Variants in PSMA1 observed in about 807,000 individuals in gnomAD.
PSMA1 encodes proteasome 20S subunit alpha 1.
PSMA1 carries 3 observed loss-of-function variants against 38.4 expected under a neutral mutation model. The ratio of observed to expected loss-of-function variants is 0.08; its 90% CI spans 0.04 to 0.20. The LOEUF (loss-of-function observed/expected upper bound fraction) is 0.20. Among genes scored for constraint, PSMA1 ranks in the 10% least tolerant of loss-of-function variants. The pLI, the probability that PSMA1 is intolerant of heterozygous loss-of-function variation, is 1.00. For synonymous variants in PSMA1, 101 were observed against 107.1 expected (o/e 0.94, Z 0.35); for missense variants, 227 against 325.3 (o/e 0.70, Z 2.32).
chr11:14,602,283 G>A (rs1003723823), intron 2 of PSMA1, among the ~76,000 whole-genome samples: 1 of 152,168 alleles, frequency 6.6e-6, no homozygotes, highest in Non-Finnish European at 1.5e-5. Flanking sequence ...TGAAAAGGCT[G>A]AGCTATCACC....
At chr11:14,557,940 C>G (rs547676928) in intron 2 of PSMA1, among the ~76,000 whole-genome samples, 1 of 152,280 alleles carries the variant, frequency 6.6e-6, no homozygotes, top group African/African-American at 2.4e-5. Flanking sequence ...TTCCATGGTG[C>G]TATTTATCGT....
At chr11:14,620,074 G>A (rs1251896267) in intron 1 of PSMA1, among the ~76,000 whole-genome samples, 1 of 151,730 alleles carries the variant, frequency 6.6e-6, no homozygotes, top group African/African-American at 2.4e-5. Flanking sequence ...GTGCGTGTGT[G>A]TGTGTGTGTA....
In PSMA1 at chr11:14,514,244, A is replaced by G. The variant is rs1851391220; in HGVS notation, c.343+159T>C. 2.2e-6 allele frequency: 3 copies of G among 1,370,146 alleles called. No individual in the cohort carries two copies. The South Asian group carries it at 5.9e-5, about 27-fold the overall frequency. 84.9% of individuals were successfully genotyped at this position (1,370,146 alleles called of 1,614,324 possible). A position where few individuals can be genotyped will look rare whatever the true frequency, so the allele number is the denominator to read the frequency against. ...GGGCTTATTTGTGTCTAGCAAATAT[A>G]AATTGCTTATAAAGGCTAATGAAAG... On this transcript the variant is annotated intron_variant, in intron 5 of 9. Transcript: ENST00000396394.
At chr11:14,585,325 T>C (rs1852332563) in intron 2 of PSMA1, among the ~76,000 whole-genome samples, 1 of 152,098 alleles carries the variant, frequency 6.6e-6, no homozygotes, top group Non-Finnish European at 1.5e-5. Flanking sequence ...AAATAAAACA[T>C]AGAAATGCAT....
chr11:14,551,035 A>G (rs1164975677), intron 2 of PSMA1, among the ~76,000 whole-genome samples: 1 of 152,190 alleles, frequency 6.6e-6, no homozygotes, highest in Non-Finnish European at 1.5e-5. Flanking sequence ...CAGTGCATGA[A>G]CTCAACACTT....
chr11:14,517,849 C>T (rs1444627805), intron 3 of PSMA1, 31 bp downstream of exon 3: 3 of 1,544,588 alleles, frequency 1.9e-6, no homozygotes, highest in Non-Finnish European at 2.6e-6. Context: ...TTGTTTTCTA[C>T]AGAGGAAGAC....
intron 2 of PSMA1, among the ~76,000 whole-genome samples, chr11:14,597,074 C>T (rs952278719): frequency 5.3e-5 from 8 of 152,162 alleles, no homozygotes; most frequent in African/African-American, 1.9e-4. Context: ...TTGAACCAGC[C>T]TTGCATCCCA....
intron 2 of PSMA1, among the ~76,000 whole-genome samples, chr11:14,603,404 T>C (rs367736537): frequency 2.6e-5 from 4 of 152,224 alleles, no homozygotes; most frequent in East Asian, 3.8e-4. Context: ...GATGACTTTA[T>C]TATCTAGGAG....
At chr11:14,531,815 T>G (rs1851650427) in intron 2 of PSMA1, among the ~76,000 whole-genome samples, 1 of 152,190 alleles carries the variant, frequency 6.6e-6, no homozygotes. Flanking sequence ...TTTTATAGAT[T>G]GCATCAGTAA....
At chr11:14,601,889 T>A (rs1487174875) in intron 2 of PSMA1, among the ~76,000 whole-genome samples, 1 of 152,264 alleles carries the variant, frequency 6.6e-6, no homozygotes, top group African/African-American at 2.4e-5. Context: ...CATGAGAAAA[T>A]CTTGTGAAGG....
At chr11:14,577,086 G>A (rs1356184873) in intron 2 of PSMA1, among the ~76,000 whole-genome samples, 3 of 152,142 alleles carry the variant, frequency 2.0e-5, no homozygotes, top group African/African-American at 7.2e-5. Flanking sequence ...CTGTTTGTCT[G>A]TTATTGGTGT....
chr11:14,516,555 C>T (rs1851433344), intron 4 of PSMA1, among the ~76,000 whole-genome samples: 1 of 152,228 alleles, frequency 6.6e-6, no homozygotes, highest in South Asian at 2.1e-4. Flanking sequence ...TAGCTAACTA[C>T]CTGCCATCCA....
At chr11:14,508,561 CAAA>C (rs60499933) in intron 8 of PSMA1, among the ~76,000 whole-genome samples, 6 of 47,120 alleles carry the variant, frequency 1.3e-4, no homozygotes, top group African/African-American at 1.7e-4. Context: ...CACTCCATCT[CAAA>C]AAAAAAAAAA....
intron 1 of PSMA1, among the ~76,000 whole-genome samples, chr11:14,628,943 T>C (rs1447120963): frequency 2.0e-5 from 3 of 151,286 alleles, no homozygotes; most frequent in Non-Finnish European, 3.0e-5. Context: ...TTTCATGTGT[T>C]TTTTGGCTGC....
At chr11:14,619,709 T>C (rs370724669) in intron 1 of PSMA1, among the ~76,000 whole-genome samples, 2 of 152,092 alleles carry the variant, frequency 1.3e-5, no homozygotes, top group African/African-American at 4.8e-5. Context: ...AAATAGGGTG[T>C]CATAATTTCA....
chr11:14,621,633 C>G (rs1852845157), intron 1 of PSMA1, among the ~76,000 whole-genome samples: 1 of 152,152 alleles, frequency 6.6e-6, no homozygotes, highest in Non-Finnish European at 1.5e-5. Context: ...CCACCTTTTT[C>G]TCTCCACTAG....
At chr11:14,600,679 C>T (rs1438225255) in intron 2 of PSMA1, among the ~76,000 whole-genome samples, 1 of 152,188 alleles carries the variant, frequency 6.6e-6, no homozygotes, top group Non-Finnish European at 1.5e-5. Context: ...AGGGAAATCC[C>T]CTGACCCCTT....
chr11:14,515,323 G>A (rs1198963227), intron 4 of PSMA1, among the ~76,000 whole-genome samples: 1 of 152,112 alleles, frequency 6.6e-6, no homozygotes, highest in South Asian at 2.1e-4. Flanking sequence ...TGTACACCAA[G>A]TACAAAATAA....
chr11:14,598,184 T>C (rs113462722), intron 2 of PSMA1, among the ~76,000 whole-genome samples: 4 of 152,212 alleles, frequency 2.6e-5, no homozygotes, highest in African/African-American at 9.7e-5. Flanking sequence ...TGGTCAATTT[T>C]GGAATAAGTG....
Sources: allele counts gnomAD v4.1 joint callset (sites outside exome capture counted in the v4.1 genomes callset), GRCh38; gene constraint gnomAD v4.1.1; transcripts MANE v1.5; gene names NCBI Gene and HGNC (gene_info 2026-07-23, HGNC 2026-07-21).